DPP10: variants seen among roughly 807,000 people sequenced by gnomAD.
DPP10 encodes the protein inactive dipeptidyl peptidase 10.
DPP10 carries 33 observed loss-of-function variants against 120.9 expected under a neutral mutation model. That is an observed-to-expected ratio of 0.27 (90% confidence interval 0.21 to 0.37). The LOEUF (loss-of-function observed/expected upper bound fraction) is 0.37. Among genes scored for constraint, DPP10 ranks in the 10% least tolerant of loss-of-function variants. The probability of loss-of-function intolerance (pLI) is 1.00; values close to 1 mark genes in which losing one functional copy is unlikely to be tolerated. For missense variants in DPP10, 816 were observed against 942.8 expected, an observed-to-expected ratio of 0.87 and a Z score of 1.76; for synonymous variants, 337 against 326.1, an observed-to-expected ratio of 1.03 and a Z score of -0.36.
intron 1 of DPP10, among the ~76,000 whole-genome samples, chr2:114,718,019 T>A (rs1180768543): frequency 6.6e-6 from 1 of 152,070 alleles, no homozygotes; most frequent in Non-Finnish European, 1.5e-5. Flanking sequence ...ATTGGAGAAA[T>A]TATCTCTTTC....
At chr2:114,987,809 T>TTTTTTTTTTTTTTTA (rs934618390) in intron 1 of DPP10, among the ~76,000 whole-genome samples, 1 of 129,224 alleles carries the variant, frequency 7.7e-6, no homozygotes, top group Non-Finnish European at 1.6e-5. Flanking sequence ...ACTGTCTTTT[T>TTTTTTTTTTTTTTTA]TTTTTTTATT....
chr2:115,029,715 G>A (rs1272890346), intron 1 of DPP10, among the ~76,000 whole-genome samples: 5 of 151,906 alleles, frequency 3.3e-5, no homozygotes, highest in Non-Finnish European at 5.9e-5. Context: ...GGATATTTTA[G>A]TATTAATATG....
At chr2:114,742,648 G>C (rs1301181780) in intron 1 of DPP10, among the ~76,000 whole-genome samples, 2 of 151,914 alleles carry the variant, frequency 1.3e-5, no homozygotes, top group Non-Finnish European at 2.9e-5. Flanking sequence ...TGTTGTTTTG[G>C]GTATGCAGAA....
intron 1 of DPP10, among the ~76,000 whole-genome samples, chr2:114,883,634 T>C (rs557373945): frequency 6.6e-6 from 1 of 152,196 alleles, no homozygotes; most frequent in East Asian, 1.9e-4. Flanking sequence ...CTGAGAGTTA[T>C]GTGTTGATGG....
intron 1 of DPP10, among the ~76,000 whole-genome samples, chr2:114,986,478 C>A (rs910080579): frequency 2.6e-5 from 4 of 152,134 alleles, no homozygotes; most frequent in East Asian, 3.9e-4. Flanking sequence ...ATTCCATATG[C>A]CCCTTCTGGA....
chr2:115,493,318 G>T (rs2148754273), intron 3 of DPP10, among the ~76,000 whole-genome samples: 1 of 152,052 alleles, frequency 6.6e-6, no homozygotes, highest in South Asian at 2.1e-4. Context: ...GTATGTAAAT[G>T]GAATTTTGAG....
intron 1 of DPP10, among the ~76,000 whole-genome samples, chr2:115,202,685 C>T (rs2055824450): frequency 6.6e-6 from 1 of 152,162 alleles, no homozygotes; most frequent in Admixed American, 6.5e-5. Context: ...TCCAATAGCA[C>T]TTTCTGTGAT....
chr2:114,474,125 T>C (rs2104631190), intron 1 of DPP10, among the ~76,000 whole-genome samples: 1 of 152,294 alleles, frequency 6.6e-6, no homozygotes, highest in South Asian at 2.1e-4. Context: ...GCCCGGCTAA[T>C]ATTTTATATC....
At chr2:115,406,370 GTCTT>G (rs2068508254) in intron 3 of DPP10, among the ~76,000 whole-genome samples, 1 of 152,066 alleles carries the variant, frequency 6.6e-6, no homozygotes, top group African/African-American at 2.4e-5. Flanking sequence ...CATTTTTTTA[GTCTT>G]TTTTGTCTTC....
At chr2:115,753,906 G>T (rs1193656478) in intron 11 of DPP10, among the ~76,000 whole-genome samples, 1 of 152,124 alleles carries the variant, frequency 6.6e-6, no homozygotes, top group African/African-American at 2.4e-5. Flanking sequence ...TGGTATTTGG[G>T]TAAAGCGTTT....
intron 1 of DPP10, among the ~76,000 whole-genome samples, chr2:114,771,132 T>C (rs1252837713): frequency 1.3e-5 from 2 of 152,216 alleles, no homozygotes; most frequent in Non-Finnish European, 2.9e-5. Context: ...CATCAGTAAT[T>C]GAGGAAAATT....
intron 3 of DPP10, among the ~76,000 whole-genome samples, chr2:115,375,975 G>T (rs990767074): frequency 7.2e-5 from 11 of 152,180 alleles, no homozygotes; most frequent in African/African-American, 2.7e-4. Flanking sequence ...GTCACTAGTA[G>T]TGCTTGGTAT....
chr2:115,550,067 T>C (rs1170900635), intron 5 of DPP10, among the ~76,000 whole-genome samples: 2 of 152,084 alleles, frequency 1.3e-5, no homozygotes, highest in East Asian at 1.9e-4. Context: ...ATTTGAGTCA[T>C]ACAAAAAGGG....
intron 1 of DPP10, among the ~76,000 whole-genome samples, chr2:115,176,928 C>T (rs2053731022): frequency 6.6e-6 from 1 of 152,174 alleles, no homozygotes; most frequent in African/African-American, 2.4e-5. Flanking sequence ...GTGAGCATGG[C>T]TACTGCCTTC....
chr2:115,683,710 T>C (rs1167103440), intron 5 of DPP10, among the ~76,000 whole-genome samples: 1 of 151,972 alleles, frequency 6.6e-6, no homozygotes, highest in Non-Finnish European at 1.5e-5. Flanking sequence ...CTGAATTTTA[T>C]ATTCGTAATC....
intron 1 of DPP10, chr2:115,161,871 G>C (rs1394507850): frequency 3.1e-6 from 4 of 1,284,242 alleles, no homozygotes; most frequent in Non-Finnish European, 4.0e-6. Context: ...AGCGACGGGC[G>C]CCCGTGACCT....
chr2:114,900,591 A>G (rs1425517579), intron 1 of DPP10, among the ~76,000 whole-genome samples: 1 of 152,140 alleles, frequency 6.6e-6, no homozygotes, highest in African/African-American at 2.4e-5. Flanking sequence ...TTCTGCATAT[A>G]GTGTTTTGTT....
At chr2:115,831,099 AG>A in intron 21 of DPP10, among the ~76,000 whole-genome samples, 1 of 152,204 alleles carries the variant, frequency 6.6e-6, no homozygotes, top group Non-Finnish European at 1.5e-5. Flanking sequence ...GCGAATTAAT[AG>A]TTTTAATGCA....
intron 1 of DPP10, among the ~76,000 whole-genome samples, chr2:114,611,088 A>G (rs915968458): frequency 6.6e-6 from 1 of 152,038 alleles, no homozygotes; most frequent in African/African-American, 2.4e-5. Flanking sequence ...CTTAATGGGG[A>G]GGGATGGTCT....
Sources: allele counts gnomAD v4.1 joint callset (sites outside exome capture counted in the v4.1 genomes callset), GRCh38; gene constraint gnomAD v4.1.1; transcripts MANE v1.5; gene names NCBI Gene and HGNC (gene_info 2026-07-23, HGNC 2026-07-21).